UBE3D: variants seen among roughly 807,000 people sequenced by gnomAD.
UBE3D encodes ubiquitin protein ligase E3D.
In UBE3D, 48 loss-of-function variants were observed where a neutral mutation model predicts 49.6. The observed-to-expected ratio is 0.97, with a 90% CI of 0.77 to 1.23. The LOEUF (loss-of-function observed/expected upper bound fraction) is 1.23, where lower values mean the gene tolerates loss of function less well. Among genes scored for constraint, UBE3D ranks in the 50% most tolerant of loss-of-function variants. UBE3D has a pLI of 0.00. For missense variants in UBE3D, 452 were observed against 468.4 expected (o/e 0.96, Z 0.32); for synonymous variants, 189 against 174.2 (o/e 1.08, Z -0.67).
intron 9 of UBE3D, among the ~76,000 whole-genome samples, chr6:82,928,101 G>A (rs192469474): frequency 6.6e-6 from 1 of 152,128 alleles, no homozygotes; most frequent in East Asian, 1.9e-4. Context: ...GTACCAATCT[G>A]GTGAGGGATG....
intron 9 of UBE3D, among the ~76,000 whole-genome samples, chr6:82,895,041 C>T (rs1023739308): frequency 2.0e-5 from 3 of 152,166 alleles, no homozygotes; most frequent in African/African-American, 4.8e-5. Context: ...GGCACAGTGG[C>T]TCACAGTGGC....
intron 5 of UBE3D, among the ~76,000 whole-genome samples, chr6:83,035,197 A>G (rs1307480788): frequency 7.1e-6 from 1 of 140,462 alleles, no homozygotes; most frequent in Non-Finnish European, 1.6e-5. Context: ...AAAAAAAAAA[A>G]TCTTTATTGC....
rs534199522 is a variant in UBE3D, at chr6:83,027,351, G to A, written c.668-3313C>T. Among the ~76,000 whole-genome samples the A allele has an allele frequency of 7.4e-5, 11 of 147,922 alleles. No individual in the cohort carries two copies. The East Asian group carries it at 2.2e-3, about 30-fold the overall frequency. On this transcript the variant is annotated intron_variant, in intron 5 of 9. Transcript: ENST00000369747. ...CTTGGAAGGCTGAGGCAGGAGAATC[G>A]CTTGAACCCAGGAGGCGGAGGTTGC... is the stretch of plus-strand genomic sequence containing the variant.
In UBE3D at chr6:82,985,008, C is replaced by CTTTTTTTTTTTTTTT. The variant is rs70987727; in HGVS notation, c.1011-27573_1011-27559dup. On this transcript the variant is annotated intron_variant, in intron 8 of 9. Transcript: ENST00000369747. ...AATTTTTTTCTTTCTTCTTCTTCTT[C>CTTTTTTTTTTTTTTT]TTTTTTTTTTTTTTTTTTTTTTTTG... Among the ~76,000 whole-genome samples the CTTTTTTTTTTTTTTT allele has an allele frequency of 1.1e-4, 6 of 52,998 alleles. 1 individual carries two copies. The highest frequency in any genetic ancestry group is 6.7e-4 in the East Asian group (1 of 1,490). 34.8% of individuals were successfully genotyped at this position (52,998 alleles called of 152,430 possible). A position where few individuals can be genotyped will look rare whatever the true frequency, so the allele number is the denominator to read the frequency against.
intron 8 of UBE3D, among the ~76,000 whole-genome samples, chr6:82,984,937 A>C (rs1252227577): frequency 1.3e-5 from 2 of 150,696 alleles, no homozygotes; most frequent in African/African-American, 4.9e-5. Context: ...CAGCCTCCCA[A>C]GTAGGTAGGA....
chr6:83,023,684 G>A (rs1178258326), intron 6 of UBE3D, among the ~76,000 whole-genome samples: 27 of 152,298 alleles, frequency 1.8e-4, no homozygotes, highest in Admixed American at 6.5e-5. Flanking sequence ...ACGAAGCTAT[G>A]AGGATGCAAA....
At chr6:83,065,539 G>A (rs1171252500) in intron 1 of UBE3D, 103 bp downstream of exon 1, 2 of 1,140,910 alleles carry the variant, frequency 1.8e-6, no homozygotes, top group Non-Finnish European at 2.5e-6. Context: ...CAACTGGAAA[G>A]AAGAAACTCA....
intron 9 of UBE3D, among the ~76,000 whole-genome samples, chr6:82,947,903 C>T (rs1775522336): frequency 6.6e-6 from 1 of 151,956 alleles, no homozygotes; most frequent in South Asian, 2.1e-4. Flanking sequence ...TAAGTGCCTA[C>T]ATCAAAACAG....
chr6:83,039,021 A>C (rs1782463280), intron 4 of UBE3D, among the ~76,000 whole-genome samples: 1 of 152,248 alleles, frequency 6.6e-6, no homozygotes, highest in Admixed American at 6.5e-5. Flanking sequence ...TCGGCACTGT[A>C]ACTGGAAAGA....
chr6:83,030,123 A>G (rs1781762844), intron 5 of UBE3D, among the ~76,000 whole-genome samples: 1 of 152,196 alleles, frequency 6.6e-6, no homozygotes, highest in South Asian at 2.1e-4. Context: ...GTTAGGGCAG[A>G]GAAGTTATCT....
In UBE3D at chr6:82,927,328, G is replaced by C. The variant is rs1403553910; in HGVS notation, c.1149+29984C>G. ...AACTTTGTTCCTCCTTCAATATTGT[G>C]TTGGCTAGTTGGGGTATTTTGCCTC... On this transcript the variant is annotated intron_variant, in intron 9 of 9. Coordinates refer to ENST00000369747, the MANE Select transcript of UBE3D (RefSeq NM_198920.3). Among the ~76,000 whole-genome samples, 3 of 151,142 alleles carry C rather than the reference G, an allele frequency of 2.0e-5. No individual in the cohort carries two copies. The East Asian group carries it at 5.8e-4, about 29-fold the overall frequency.
intron 8 of UBE3D, among the ~76,000 whole-genome samples, chr6:82,991,536 T>C (rs1209449849): frequency 6.6e-6 from 1 of 152,126 alleles, no homozygotes; most frequent in African/African-American, 2.4e-5. Flanking sequence ...AATCTTTAAC[T>C]CTCATAAATG....
rs575338997 is a variant in UBE3D at position 82,998,546 on chromosome 6, G to A, written c.1010+20427C>T. Among the ~76,000 whole-genome samples, 4 of 152,222 alleles carry A rather than the reference G, an allele frequency of 2.6e-5. No individual in the cohort carries two copies. The East Asian group carries it at 7.7e-4, about 29-fold the overall frequency. ...AATCTGGAAGGAAATTTAACTCAGG[G>A]CATGTGTCTGAATAAGTGCTAAAAC... On this transcript the variant is annotated intron_variant, in intron 8 of 9. Transcript: ENST00000369747.
Position 82,898,379 on chromosome 6 carries a change from G to T in UBE3D, c.1150-5337C>A, listed in dbSNP as rs536546912. Reference sequence around the variant, plus strand: ...TTCTACTATAAAGATACATGCACACGTATGTTTATTGTAGCACTGTTCACA... The same window carrying T: ...TTCTACTATAAAGATACATGCACACTTATGTTTATTGTAGCACTGTTCACA... On this transcript the variant is annotated intron_variant, in intron 9 of 9. Coordinates refer to ENST00000369747, the MANE Select transcript of UBE3D (RefSeq NM_198920.3). Among the ~76,000 whole-genome samples, 13 of 152,282 alleles carry T rather than the reference G, an allele frequency of 8.5e-5. No individual in the cohort carries two copies. In the East Asian group the frequency reaches 1.7e-3, roughly 20 times the overall value.
Position 82,933,235 on chromosome 6 carries a change from C to T in UBE3D, c.1149+24077G>A, listed in dbSNP as rs185103720. On this transcript the variant is annotated intron_variant, in intron 9 of 9. Coordinates refer to ENST00000369747, the MANE Select transcript of UBE3D (RefSeq NM_198920.3). ...AACTCTTTTATATCCAGAGCAAATG[C>T]ATCTTTAGTTTAGACAGATTTTATA... Among the ~76,000 whole-genome samples the T allele has an allele frequency of 2.2e-4, 33 of 152,300 alleles. 1 individual carries two copies. The highest frequency in any genetic ancestry group is 7.2e-4 in the African/African-American group (30 of 41,562).
intron 2 of UBE3D, 88 bp from the exon 3 acceptor site, chr6:83,054,326 C>G: frequency 1.0e-6 from 1 of 980,554 alleles, no homozygotes; most frequent in Non-Finnish European, 1.6e-6. Flanking sequence ...CGATAAATTA[C>G]CATCCATAAA....
At chr6:83,006,378 C>T (rs950082872) in intron 8 of UBE3D, among the ~76,000 whole-genome samples, 2 of 152,098 alleles carry the variant, frequency 1.3e-5, no homozygotes, top group Non-Finnish European at 2.9e-5. Flanking sequence ...CCCAATGTCC[C>T]TGTATTTGGA....
chr6:82,969,272 A>C (rs1387559593), intron 8 of UBE3D, among the ~76,000 whole-genome samples: 2 of 152,050 alleles, frequency 1.3e-5, no homozygotes, highest in Non-Finnish European at 2.9e-5. Flanking sequence ...AAAAATAGTA[A>C]GGAAAAACCT....
At chr6:83,022,801 C>T (rs1220377246) in intron 6 of UBE3D, among the ~76,000 whole-genome samples, 1 of 152,158 alleles carries the variant, frequency 6.6e-6, no homozygotes, top group Non-Finnish European at 1.5e-5. Flanking sequence ...ACTTTCCACA[C>T]CAAACCTAAC....
Sources: gnomAD v4.1 joint callset for allele counts (sites outside exome capture counted in the v4.1 genomes callset) on GRCh38, gnomAD v4.1.1 for gene constraint, MANE v1.5 for transcripts, NCBI Gene and HGNC (gene_info 2026-07-23, HGNC 2026-07-21) for gene names.